Variants in RGS7 observed in about 807,000 individuals in gnomAD.
RGS7 encodes regulator of G protein signaling 7.
In RGS7, 27 loss-of-function variants were observed where a neutral mutation model predicts 81.1. The ratio of observed to expected loss-of-function variants is 0.33; its 90% CI spans 0.25 to 0.46. The LOEUF (loss-of-function observed/expected upper bound fraction) is 0.46. Among genes scored for constraint, RGS7 ranks in the 20% least tolerant of loss-of-function variants. The pLI is 1.00. For missense variants in RGS7, 396 were observed against 607.4 expected, an observed-to-expected ratio of 0.65 and a Z score of 3.66; for synonymous variants, 208 against 207.7, an observed-to-expected ratio of 1.00 and a Z score of -0.01.
At chr1:240,916,806 T>C (rs1212241201) in intron 6 of RGS7, among the ~76,000 whole-genome samples, 4 of 152,188 alleles carry the variant, frequency 2.6e-5, no homozygotes, top group Non-Finnish European at 4.4e-5. Context: ...TATTTATTGA[T>C]GAGATAATAA....
intron 2 of RGS7, among the ~76,000 whole-genome samples, chr1:241,153,752 CA>C (rs1192806015): frequency 2.0e-5 from 3 of 152,152 alleles, no homozygotes; most frequent in Non-Finnish European, 4.4e-5. Context: ...TCAATTTGTC[CA>C]GAATAGGGAC....
chr1:241,206,960 G>GTTTTTTTTT, intron 2 of RGS7, among the ~76,000 whole-genome samples: 1 of 70,742 alleles, frequency 1.4e-5, no homozygotes, highest in Non-Finnish European at 2.5e-5. Context: ...TCTCTCTCTG[G>GTTTTTTTTT]TTTTTTTTTT....
chr1:240,794,006 CA>C (rs1301044726), intron 18 of RGS7, among the ~76,000 whole-genome samples: 1 of 152,100 alleles, frequency 6.6e-6, no homozygotes, highest in Non-Finnish European at 1.5e-5. Flanking sequence ...ATAATATGCA[CA>C]AAGGCTTTCT....
At chr1:241,109,332 C>T (rs192445547) in intron 2 of RGS7, among the ~76,000 whole-genome samples, 119 of 152,214 alleles carry the variant, frequency 7.8e-4, no homozygotes, top group Non-Finnish European at 1.2e-3. Flanking sequence ...TTCCTACTGA[C>T]GTCCGTCTTT....
At chr1:241,099,624 C>T (rs2102890122) in intron 2 of RGS7, among the ~76,000 whole-genome samples, 1 of 152,300 alleles carries the variant, frequency 6.6e-6, no homozygotes, top group African/African-American at 2.4e-5. Flanking sequence ...AACATTCATT[C>T]ATTCAAATCA....
In RGS7 at chr1:241,111,401, G is replaced by A. The variant is rs190140788; in HGVS notation, c.79-12639C>T. Among the ~76,000 whole-genome samples the A allele has an allele frequency of 4.4e-3, 671 of 152,102 alleles. 9 individuals carry two copies. The highest frequency in any genetic ancestry group is 0.015 in the African/African-American group (606 of 41,500). ...TCCACACTATCTCCTCCTCCTTTTC[G>A]TGAGCAACAGACCCAGTCATTCTCA... On this transcript the variant is annotated intron_variant, in intron 2 of 18. Coordinates refer to ENST00000440928, the MANE Select transcript of RGS7 (RefSeq NM_001364886.1).
In RGS7 at chr1:240,775,697, T is replaced by A; in HGVS notation, c.*523A>T. On this transcript the variant is annotated 3_prime_UTR_variant, in exon 19 of 19. Coordinates refer to ENST00000440928, the MANE Select transcript of RGS7 (RefSeq NM_001364886.1). ...ACAACAGACGAAGACATGAGTTTGT[T>A]TCTGACTGTGACACATTGGTGAAAT... 37 of 166,932 alleles carry A rather than the reference T, an allele frequency of 2.2e-4. No individual in the cohort carries two copies. Among genetic ancestry groups the A allele is most frequent in the East Asian group, 1.1e-3 (7 of 6,478 alleles). 10.3% of individuals were successfully genotyped at this position (166,932 alleles called of 1,614,324 possible).
chr1:241,121,471 C>T (rs1034120516), intron 2 of RGS7, among the ~76,000 whole-genome samples: 1 of 152,104 alleles, frequency 6.6e-6, no homozygotes, highest in Non-Finnish European at 1.5e-5. Flanking sequence ...AAAATCATCA[C>T]TTGAAAACTT....
chr1:241,226,019 A>G (rs189155735), intron 2 of RGS7, among the ~76,000 whole-genome samples: 8 of 152,290 alleles, frequency 5.3e-5, no homozygotes, highest in Admixed American at 3.3e-4. Flanking sequence ...GAAAGTTTAC[A>G]CACAATCAAG....
intron 2 of RGS7, among the ~76,000 whole-genome samples, chr1:241,242,664 G>T (rs1197899691): frequency 6.6e-6 from 1 of 152,082 alleles, no homozygotes; most frequent in Admixed American, 6.6e-5. Flanking sequence ...TCTGATTATG[G>T]CCATTCTTGC....
At chr1:241,004,740 C>T (rs1237898995) in intron 3 of RGS7, among the ~76,000 whole-genome samples, 1 of 152,202 alleles carries the variant, frequency 6.6e-6, no homozygotes, top group Non-Finnish European at 1.5e-5. Context: ...GAGCAGCATT[C>T]CTTCCTTCTG....
At chr1:241,024,258 G>T (rs578328) in intron 3 of RGS7, among the ~76,000 whole-genome samples, 38,241 of 152,116 alleles carry the variant, frequency 0.25, 5,561 homozygotes, top group Non-Finnish European at 0.33. Context: ...TCAAAAGCTG[G>T]AAGCTGTGAT....
chr1:240,821,054 A>C (rs1691691997), intron 10 of RGS7, among the ~76,000 whole-genome samples: 1 of 152,198 alleles, frequency 6.6e-6, no homozygotes, highest in African/African-American at 2.4e-5. Context: ...AAAGAAGCAG[A>C]GAGAAGGCAA....
At chr1:241,038,837 T>A (rs887804528) in intron 3 of RGS7, among the ~76,000 whole-genome samples, 4 of 152,004 alleles carry the variant, frequency 2.6e-5, no homozygotes, top group Non-Finnish European at 4.4e-5. Flanking sequence ...TAGTAGGGCA[T>A]GCATTTGTAG....
chr1:241,252,650 T>C (rs904731910), intron 2 of RGS7, among the ~76,000 whole-genome samples: 7 of 152,142 alleles, frequency 4.6e-5, no homozygotes, highest in African/African-American at 1.7e-4. Flanking sequence ...CTTGAGACCA[T>C]CCTCAGGTCT....
intron 4 of RGS7, among the ~76,000 whole-genome samples, chr1:240,958,891 T>G (rs1207618095): frequency 1.3e-5 from 2 of 152,244 alleles, no homozygotes; most frequent in Non-Finnish European, 2.9e-5. Flanking sequence ...TATCTTTTAC[T>G]GTAGCTAATT....
At chr1:241,219,545 TCA>T (rs922263751) in intron 2 of RGS7, among the ~76,000 whole-genome samples, 3 of 152,048 alleles carry the variant, frequency 2.0e-5, no homozygotes, top group African/African-American at 7.2e-5. Flanking sequence ...GTTACCCGAG[TCA>T]CAGTCTGAGA....
intron 2 of RGS7, among the ~76,000 whole-genome samples, chr1:241,223,385 ATAAG>A (rs1230015185): frequency 6.6e-6 from 1 of 152,178 alleles, no homozygotes; most frequent in African/African-American, 2.4e-5. Context: ...CCTGATCAAA[ATAAG>A]TAAGAATCAC....
At chr1:240,993,842 A>G (rs139018787) in intron 3 of RGS7, among the ~76,000 whole-genome samples, 2 of 152,122 alleles carry the variant, frequency 1.3e-5, no homozygotes, top group East Asian at 3.9e-4. Flanking sequence ...TCCATTTTGT[A>G]TTAGTGTTTG....
Sources: gnomAD v4.1 joint callset for allele counts (sites outside exome capture counted in the v4.1 genomes callset) on GRCh38, gnomAD v4.1.1 for gene constraint, MANE v1.5 for transcripts, NCBI Gene and HGNC (gene_info 2026-07-23, HGNC 2026-07-21) for gene names.